The following PAPSS1 variants were observed in gnomAD, a reference collection of about 807,000 sequenced individuals.
PAPSS1 encodes the protein bifunctional 3'-phosphoadenosine 5'-phosphosulfate synthase 1.
Under a neutral mutation model 72.0 loss-of-function variants are expected in PAPSS1, and 50 were observed. The ratio of observed to expected loss-of-function variants is 0.69; its 90% confidence interval spans 0.55 to 0.88. The LOEUF (loss-of-function observed/expected upper bound fraction) is 0.88. PAPSS1 is among the 40% of genes least tolerant of loss of function. PAPSS1 has a pLI of 0.00. For missense variants in PAPSS1, 657 were observed against 782.2 expected, an observed-to-expected ratio of 0.84 and a Z score of 1.91; for synonymous variants, 261 against 263.6, an observed-to-expected ratio of 0.99 and a Z score of 0.09.
intron 10 of PAPSS1, among the ~76,000 whole-genome samples, chr4:107,634,149 C>T (rs1262643919): frequency 1.3e-5 from 2 of 151,994 alleles, no homozygotes; most frequent in African/African-American, 4.8e-5. Flanking sequence ...TCCCAAGCAG[C>T]TGGGACCACA....
At chr4:107,663,687 G>C (rs1429734069) in intron 5 of PAPSS1, among the ~76,000 whole-genome samples, 4 of 152,158 alleles carry the variant, frequency 2.6e-5, no homozygotes, top group African/African-American at 9.7e-5. Flanking sequence ...TCAGTAATTA[G>C]AGTATGCTTG....
intron 5 of PAPSS1, among the ~76,000 whole-genome samples, chr4:107,675,459 C>T (rs1727616104): frequency 6.6e-6 from 1 of 152,174 alleles, no homozygotes; most frequent in Non-Finnish European, 1.5e-5. Flanking sequence ...TTCTTTGACA[C>T]ATACACCCTC....
intron 10 of PAPSS1, among the ~76,000 whole-genome samples, chr4:107,638,115 T>C (rs1337339149): frequency 1.3e-5 from 2 of 152,226 alleles, no homozygotes; most frequent in Non-Finnish European, 2.9e-5. Context: ...TTTGTATTAA[T>C]AAAACTGATA....
intron 1 of PAPSS1, among the ~76,000 whole-genome samples, chr4:107,702,611 C>T (rs2726198): frequency 0.88 from 134,620 of 152,188 alleles, 59,923 homozygotes; most frequent in South Asian, 0.95. Flanking sequence ...TCATATGGTA[C>T]TTCCCTTTCT....
chr4:107,654,942 C>T (rs771564043), intron 7 of PAPSS1, 42 bp from the exon 8 acceptor site: 19 of 1,455,484 alleles, frequency 1.3e-5, no homozygotes, highest in Non-Finnish European at 1.5e-5. Context: ...GCTTGAATTA[C>T]TCAACACGCT....
chr4:107,626,376 T>A lies in PAPSS1; in HGVS notation c.1736+5255A>T, dbSNP rs540406916. On this transcript the variant is annotated intron_variant, in intron 11 of 11. Coordinates refer to ENST00000265174, the MANE Select transcript of PAPSS1 (RefSeq NM_005443.5). ...ACTAATCTGAATAATCCTGTATCTA[T>A]CTACCCTAATATAAAGACTTACATT... Among the ~76,000 whole-genome samples, 33 of 152,284 alleles carry A rather than the reference T, an allele frequency of 2.2e-4. No individual in the cohort carries two copies. In the South Asian group the frequency reaches 6.4e-3, roughly 30 times the overall value.
In PAPSS1 at chr4:107,614,524, C is replaced by A. The variant is rs532926268; in HGVS notation, c.1737-137G>T. On this transcript the variant is annotated intron_variant, in intron 11 of 11. Transcript: ENST00000265174. ...GAACATAGTACTTGTGAATATAAAT[C>A]TCATTTCAAATTTGTCACTGAACAA... 56 of 612,258 alleles carry A rather than the reference C, an allele frequency of 9.1e-5. No homozygotes were observed. The African/African-American group carries it at 9.2e-4, about 10-fold the overall frequency. 37.9% of individuals were successfully genotyped at this position (612,258 alleles called of 1,614,324 possible).
intron 4 of PAPSS1, 137 bp from the exon 5 acceptor site, chr4:107,682,270 C>T (rs1722642045): frequency 4.8e-6 from 2 of 412,458 alleles, no homozygotes; most frequent in African/African-American, 4.1e-5. Context: ...AATGAAGCAT[C>T]TTTCTTGGGA....
In PAPSS1 at chr4:107,642,695, G is replaced by C. The variant is rs115965219; in HGVS notation, c.1506+2107C>G. Among the ~76,000 whole-genome samples the C allele has an allele frequency of 5.8e-3, 881 of 152,236 alleles. 5 individuals carry two copies. The highest frequency in any genetic ancestry group is 7.6e-3 in the Non-Finnish European group (517 of 68,020). ...ACTAAGACTCCATTTCAGTGAAACT[G>C]GTTCAATGAGGAGATTTTTTGAGGC... On this transcript the variant is annotated intron_variant, in intron 10 of 11. Coordinates refer to ENST00000265174, the MANE Select transcript of PAPSS1 (RefSeq NM_005443.5).
At chr4:107,677,191 T>C (rs1263981824) in intron 5 of PAPSS1, among the ~76,000 whole-genome samples, 3 of 152,176 alleles carry the variant, frequency 2.0e-5, no homozygotes, top group Non-Finnish European at 2.9e-5. Context: ...AAATGGGATC[T>C]AATTAAACTC....
At chr4:107,615,027 T>C (rs1725783822) in intron 11 of PAPSS1, among the ~76,000 whole-genome samples, 1 of 152,086 alleles carries the variant, frequency 6.6e-6, no homozygotes, top group African/African-American at 2.4e-5. Context: ...TTGAAAACTT[T>C]TAAAGAAGTT....
chr4:107,692,772 C>T (rs1014411836), intron 3 of PAPSS1, among the ~76,000 whole-genome samples: 20 of 147,028 alleles, frequency 1.4e-4, no homozygotes, highest in Non-Finnish European at 2.7e-4. Context: ...AAAGAAAACA[C>T]GGTGTGTATA....
chr4:107,628,583 T>A (rs1455886111), intron 11 of PAPSS1, among the ~76,000 whole-genome samples: 2 of 152,202 alleles, frequency 1.3e-5, no homozygotes, highest in Non-Finnish European at 2.9e-5. Context: ...CTGACACTGA[T>A]AAAAATGTAA....
rs1727135194 is a variant in PAPSS1 at position 107,660,087 on chromosome 4, G to A, written c.670-15C>T. ...GGTACAATATCCTATATAACAACAG[G>A]AGTACAATTTAAATGTTTGATTCAA... On this transcript the variant is annotated splice_polypyrimidine_tract_variant and intron_variant, in intron 5 of 11. Transcript: ENST00000265174. 8.4e-7 allele frequency: 1 copy of A among 1,197,510 alleles called. No homozygotes were observed. The highest frequency in any genetic ancestry group is 2.5e-5 in the East Asian group (1 of 40,420). 74.2% of individuals were successfully genotyped at this position (1,197,510 alleles called of 1,614,324 possible).
At chr4:107,666,825 C>T (rs189711535) in intron 5 of PAPSS1, among the ~76,000 whole-genome samples, 5 of 152,278 alleles carry the variant, frequency 3.3e-5, no homozygotes, top group East Asian at 3.9e-4. Context: ...AAGTCCCAGA[C>T]CATAGTACTT....
chr4:107,668,191 T>C (rs1727372262), intron 5 of PAPSS1, among the ~76,000 whole-genome samples: 1 of 152,176 alleles, frequency 6.6e-6, no homozygotes, highest in Non-Finnish European at 1.5e-5. Flanking sequence ...TGTGCAAACC[T>C]CTCCCTAACT....
At chr4:107,646,330 CACACACAT>C (rs377123194) in intron 9 of PAPSS1, among the ~76,000 whole-genome samples, 4,624 of 150,218 alleles carry the variant, frequency 0.031, 238 homozygotes, top group African/African-American at 0.11. Flanking sequence ...CACACACATA[CACACACAT>C]ACACACATAC....
chr4:107,712,949 A>G lies in PAPSS1; in HGVS notation c.60+7171T>C, dbSNP rs1013574904. 6.6e-5 allele frequency among the ~76,000 whole-genome samples: 10 copies of G among 150,854 alleles called. No homozygotes were observed. The East Asian group carries it at 2.0e-3, about 29-fold the overall frequency. On this transcript the variant is annotated intron_variant, in intron 1 of 11. Coordinates refer to ENST00000265174, the MANE Select transcript of PAPSS1 (RefSeq NM_005443.5). ...TCTTCAACCATATAATGAATGAACT[A>G]TTAAAAAAAAAAATACAAAATGGAG...
intron 5 of PAPSS1, 60 bp downstream of exon 5, chr4:107,681,955 G>A (rs781147921): frequency 4.8e-6 from 4 of 830,724 alleles, no homozygotes; most frequent in Non-Finnish European, 7.9e-6. Context: ...TTTTGGAGGG[G>A]AAAGATTATG....
Sources: allele counts gnomAD v4.1 joint callset (sites outside exome capture counted in the v4.1 genomes callset), GRCh38; gene constraint gnomAD v4.1.1; transcripts MANE v1.5; gene names NCBI Gene and HGNC (gene_info 2026-07-23, HGNC 2026-07-21).